Variants in AGBL1 observed in about 807,000 individuals in gnomAD.
AGBL1 encodes AGBL carboxypeptidase 1, also known as cytosolic carboxypeptidase 4.
In AGBL1, 130 loss-of-function variants were observed where a neutral mutation model predicts 118.9. The observed-to-expected ratio is 1.09, with a 90% CI of 0.95 to 1.26. The LOEUF (loss-of-function observed/expected upper bound fraction) is 1.26, where lower values mean the gene tolerates loss of function less well. Among genes scored for constraint, AGBL1 ranks in the 50% most tolerant of loss-of-function variants. The probability of loss-of-function intolerance (pLI) is 0.00; values close to 1 mark genes in which losing one functional copy is unlikely to be tolerated. For synonymous variants in AGBL1, 555 were observed against 478.9 expected (o/e 1.16, Z -2.08); for missense variants, 1,584 against 1,298.1 (o/e 1.22, Z -3.38).
At chr15:86,779,256 G>A (rs1182857939) in intron 22 of AGBL1, among the ~76,000 whole-genome samples, 1 of 152,186 alleles carries the variant, frequency 6.6e-6, no homozygotes, top group Admixed American at 6.5e-5. Flanking sequence ...TGTGAACCAG[G>A]AGACAGGCCT....
intron 21 of AGBL1, among the ~76,000 whole-genome samples, chr15:86,635,327 TCCTCCTCCTC>T (rs1567095115): frequency 1.0e-5 from 1 of 96,230 alleles, no homozygotes; most frequent in Non-Finnish European, 2.0e-5. Flanking sequence ...CTCCTCCTCC[TCCTCCTCCTC>T]CTACTCCTCT....
At chr15:86,185,200 A>T (rs2077611777) in intron 5 of AGBL1, among the ~76,000 whole-genome samples, 1 of 152,206 alleles carries the variant, frequency 6.6e-6, no homozygotes, top group African/African-American at 2.4e-5. Flanking sequence ...TCAAAACCAC[A>T]ATGAGATACC....
intron 24 of AGBL1, among the ~76,000 whole-genome samples, chr15:86,997,729 G>A (rs1461444666): frequency 6.6e-6 from 1 of 152,028 alleles, no homozygotes; most frequent in Admixed American, 6.6e-5. Context: ...AAGCATGTTT[G>A]TAAAGCCCAC....
At chr15:86,378,249 AG>A (rs2081066208) in intron 17 of AGBL1, among the ~76,000 whole-genome samples, 1 of 152,208 alleles carries the variant, frequency 6.6e-6, no homozygotes, top group Non-Finnish European at 1.5e-5. Context: ...TGCCCCACTC[AG>A]GCAAACTTTA....
chr15:86,793,777 T>G (rs746523927), intron 22 of AGBL1, among the ~76,000 whole-genome samples: 4 of 152,056 alleles, frequency 2.6e-5, no homozygotes, highest in Non-Finnish European at 5.9e-5. Flanking sequence ...ACAACCCAAT[T>G]AAAAATTACG....
In AGBL1 at chr15:86,588,652, G is replaced by A. The variant is rs2084289610; in HGVS notation, c.2994+34115G>A. Reference sequence around the variant, plus strand: ...TGTGTGTCAGGGCCTCTGTGATGGAGCACAGCAGGCTCACCTCTGAAGCAG... The same window carrying A: ...TGTGTGTCAGGGCCTCTGTGATGGAACACAGCAGGCTCACCTCTGAAGCAG... On this transcript the variant is annotated intron_variant, in intron 21 of 22. Transcript: ENST00000614907. Among the ~76,000 whole-genome samples, 3 of 152,218 alleles carry A rather than the reference G, an allele frequency of 2.0e-5. No homozygotes were observed. In the South Asian group the frequency reaches 6.2e-4, roughly 31 times the overall value.
chr15:86,942,695 C>T (rs1206028072), intron 23 of AGBL1, among the ~76,000 whole-genome samples: 1 of 152,172 alleles, frequency 6.6e-6, no homozygotes, highest in African/African-American at 2.4e-5. Flanking sequence ...TGATTCAAAG[C>T]CTTTTGTAAT....
chr15:86,424,632 C>T (rs1378834578), intron 18 of AGBL1, among the ~76,000 whole-genome samples: 1 of 152,182 alleles, frequency 6.6e-6, no homozygotes, highest in Admixed American at 6.5e-5. Context: ...TGTTTTTGAT[C>T]TATCCATCTG....
chr15:86,465,899 A>G (rs1390324320), intron 18 of AGBL1, among the ~76,000 whole-genome samples: 1 of 152,184 alleles, frequency 6.6e-6, no homozygotes, highest in Non-Finnish European at 1.5e-5. Flanking sequence ...CCTTTGAAGC[A>G]TGTGATCTCT....
intron 18 of AGBL1, among the ~76,000 whole-genome samples, chr15:86,402,834 C>G (rs2081467927): frequency 6.6e-6 from 1 of 152,056 alleles, no homozygotes; most frequent in Non-Finnish European, 1.5e-5. Context: ...CTCTTAGCAA[C>G]ACATGTCTGA....
At chr15:86,110,174 A>G (rs1897280135) in intron 1 of AGBL1, among the ~76,000 whole-genome samples, 1 of 152,206 alleles carries the variant, frequency 6.6e-6, no homozygotes. Flanking sequence ...GACAAATAGC[A>G]TTGAGGAGAA....
chr15:86,749,312 G>T (rs1596445464), intron 22 of AGBL1, among the ~76,000 whole-genome samples: 2 of 152,098 alleles, frequency 1.3e-5, no homozygotes, highest in African/African-American at 2.4e-5. Flanking sequence ...CTCTCTGTTT[G>T]TCTATTATTG....
At chr15:86,213,814 A>G (rs546161623) in intron 5 of AGBL1, among the ~76,000 whole-genome samples, 3 of 152,346 alleles carry the variant, frequency 2.0e-5, no homozygotes, top group South Asian at 4.1e-4. Flanking sequence ...CAATTCAGTC[A>G]TTAATTATAC....
intron 21 of AGBL1, among the ~76,000 whole-genome samples, chr15:86,564,592 T>A (rs1407848462): frequency 6.6e-6 from 1 of 152,208 alleles, no homozygotes; most frequent in Non-Finnish European, 1.5e-5. Context: ...CTTTGGTGAA[T>A]CTGACAATTA....
intron 17 of AGBL1, among the ~76,000 whole-genome samples, chr15:86,349,912 A>G (rs1388026650): frequency 1.3e-5 from 2 of 152,240 alleles, no homozygotes; most frequent in South Asian, 2.1e-4. Context: ...TTTCCTTTCA[A>G]TGAAATGCAA....
At chr15:86,196,384 C>T (rs574839277) in intron 5 of AGBL1, among the ~76,000 whole-genome samples, 1 of 152,082 alleles carries the variant, frequency 6.6e-6, no homozygotes, top group Non-Finnish European at 1.5e-5. Flanking sequence ...ATAGCAATAT[C>T]CTTAAGAAGA....
At chr15:86,440,453 T>G (rs1778741504) in intron 18 of AGBL1, among the ~76,000 whole-genome samples, 1 of 150,350 alleles carries the variant, frequency 6.7e-6, no homozygotes, top group Non-Finnish European at 1.5e-5. Context: ...AATTGACATG[T>G]GTGATTGTCC....
chr15:86,872,360 T>C (rs544742520), intron 22 of AGBL1, among the ~76,000 whole-genome samples: 2 of 152,216 alleles, frequency 1.3e-5, no homozygotes, highest in Non-Finnish European at 2.9e-5. Context: ...GAGTCCTGAA[T>C]CTTAGACCAA....
At chr15:86,801,473 C>G (rs945483103) in intron 22 of AGBL1, among the ~76,000 whole-genome samples, 2 of 151,916 alleles carry the variant, frequency 1.3e-5, no homozygotes, top group Non-Finnish European at 1.5e-5. Context: ...TTTTACCTGC[C>G]CATGGACCCT....
Sources: allele counts gnomAD v4.1 joint callset (sites outside exome capture counted in the v4.1 genomes callset), GRCh38; gene constraint gnomAD v4.1.1; transcripts MANE v1.5; gene names NCBI Gene and HGNC (gene_info 2026-07-23, HGNC 2026-07-21).